The following SYBU variants were observed in gnomAD, a reference collection of about 807,000 sequenced individuals.
SYBU encodes syntabulin, also known as GOLSYN A protein.
A neutral mutation model predicts 35.9 loss-of-function variants in SYBU; 21 were observed. The ratio of observed to expected loss-of-function variants is 0.58; its 90% CI spans 0.41 to 0.84. The LOEUF is 0.84. SYBU is among the 40% of genes least tolerant of loss of function. The pLI, the probability that SYBU is intolerant of heterozygous loss-of-function variation, is 0.00. For synonymous variants in SYBU, 319 were observed against 324.3 expected (o/e 0.98, Z 0.18); for missense variants, 768 against 848.2 (o/e 0.91, Z 1.17).
rs770071759 is a variant in SYBU, at chr8:109,691,228, G to T, written c.-58+105C>A. ...CCGCATTGGAAAGGGTGGTCCTGGG[G>T]TCCGGAGCGCCCCATCACTGCCCTC... On this transcript the variant is annotated intron_variant, in intron 1 of 7. Coordinates refer to the SYBU transcript ENST00000422135. The surrounding 1 kb of genome is among the most constrained non-coding windows in gnomAD (Gnocchi z 4.7). 5 of 673,536 alleles carry T rather than the reference G, an allele frequency of 7.4e-6. No individual in the cohort carries two copies. Among genetic ancestry groups the T allele is most frequent in the Non-Finnish European group, 1.3e-5 (5 of 370,766 alleles). The allele number at this position is 673,536 out of a possible 1,614,324, so 41.7% of individuals were successfully genotyped here.
chr8:109,576,164 C>T (rs1291405947), intron 6 of SYBU, 151 bp from the exon 7 acceptor site: 2 of 1,008,878 alleles, frequency 2.0e-6, no homozygotes, highest in African/African-American at 3.2e-5. Context: ...AATCAGTTTT[C>T]AATGCAGGGA....
At chr8:109,683,803 G>A (rs1436288961), upstream of SYBU, among the ~76,000 whole-genome samples, 1 of 152,158 alleles carries the variant, frequency 6.6e-6, no homozygotes, top group Non-Finnish European at 1.5e-5. Flanking sequence ...TGAATCATGG[G>A]AGCAGTTACC....
intron 2 of SYBU, among the ~76,000 whole-genome samples, chr8:109,630,764 T>C (rs776422274): frequency 2.6e-5 from 4 of 152,174 alleles, no homozygotes; most frequent in South Asian, 2.1e-4. Flanking sequence ...AAATTAAACA[T>C]GACCTTGGAG....
At chr8:109,664,696 A>T (rs768511325) in intron 1 of SYBU, among the ~76,000 whole-genome samples, 1 of 152,218 alleles carries the variant, frequency 6.6e-6, no homozygotes, top group South Asian at 2.1e-4. Flanking sequence ...GAGACCTTGA[A>T]GCTTGAAGAA....
In SYBU at chr8:109,615,773, A is replaced by C. The variant is rs192263728; in HGVS notation, c.427+3069T>G. Among the ~76,000 whole-genome samples, 498 of 152,234 alleles carry C rather than the reference A, an allele frequency of 3.3e-3. 8 individuals carry two copies. Among genetic ancestry groups the C allele is most frequent in the Non-Finnish European group, 9.4e-4 (64 of 68,020 alleles). On this transcript the variant is annotated intron_variant, in intron 3 of 6. Transcript: ENST00000276646. ...GAGGCTTTGGCTTTGGGGAAGGGTC[A>C]TTGAACTAGGATTCATAAATGCTAA...
chr8:109,579,038 A>G (rs920937939), intron 5 of SYBU, among the ~76,000 whole-genome samples: 1 of 152,098 alleles, frequency 6.6e-6, no homozygotes, highest in African/African-American at 2.4e-5. Flanking sequence ...TCCCTGCTGT[A>G]AGAGAGCTGA....
chr8:109,574,173 T>C lies in SYBU; in HGVS notation c.*733A>G, dbSNP rs1821952239. On this transcript the variant is annotated 3_prime_UTR_variant, in exon 7 of 7. Coordinates refer to ENST00000276646, the MANE Select transcript of SYBU (RefSeq NM_001099754.2). Reference sequence around the variant, plus strand: ...ATACATAGAAGTAAAATCACAGAAATAATTATTATTTTATGGGAGGATAAA... The same window carrying C: ...ATACATAGAAGTAAAATCACAGAAACAATTATTATTTTATGGGAGGATAAA... 6.6e-6 allele frequency: 1 copy of C among 152,304 alleles called. No individual in the cohort carries two copies. Among genetic ancestry groups the C allele is most frequent in the Non-Finnish European group, 1.5e-5 (1 of 68,030 alleles). 9.4% of individuals were successfully genotyped at this position (152,304 alleles called of 1,614,324 possible). A position where few individuals can be genotyped will look rare whatever the true frequency, so the allele number is the denominator to read the frequency against.
rs760270141 is a variant in SYBU, at chr8:109,575,918, AG to A, written c.979del (p.Leu327SerfsTer36). The A allele has an allele frequency of 6.2e-7, 1 of 1,613,858 alleles. No individual in the cohort carries two copies. Among genetic ancestry groups the A allele is most frequent in the Non-Finnish European group, 8.5e-7 (1 of 1,179,996 alleles). On this transcript the variant is annotated frameshift_variant, in exon 7 of 7. Transcript: ENST00000276646. LOFTEE classifies it low-confidence loss of function (END_TRUNC). Reference protein sequence around the residue: ...ECHRVEAQLALKEARKEIKQL... With the variant: ...ECHRVEAQLAXKEARKEIKQL... ...TTTAATCTCTTTCCTGGCTTCTTTG[AG>A]TGCCAACTGGGCCTCTACCCGGTGA... is the stretch of plus-strand genomic sequence containing the variant.
intron 3 of SYBU, among the ~76,000 whole-genome samples, chr8:109,591,148 G>A (rs1235431673): frequency 6.6e-6 from 1 of 152,192 alleles, no homozygotes; most frequent in Admixed American, 6.6e-5. Flanking sequence ...GTGAAAAGGA[G>A]TGACATGATC....
At position 109,657,663 on chromosome 8, in the gene SYBU, T is replaced by C. The variant is rs1226682957; in HGVS notation, c.-129+23048A>G. 2.6e-5 allele frequency among the ~76,000 whole-genome samples: 4 copies of C among 152,254 alleles called. No homozygotes were observed. In the East Asian group the frequency reaches 7.7e-4, roughly 29 times the overall value. Reference sequence around the variant, plus strand: ...TATTTGGGAATTTGTCTTTGTAGTTTTTCAGAATCACTGCCAAACTTCTTG... The same window carrying C: ...TATTTGGGAATTTGTCTTTGTAGTTCTTCAGAATCACTGCCAAACTTCTTG... On this transcript the variant is annotated intron_variant, in intron 1 of 5. Transcript: ENST00000408889.
intron 3 of SYBU, among the ~76,000 whole-genome samples, chr8:109,589,546 C>A (rs1823988504): frequency 6.6e-6 from 1 of 152,192 alleles, no homozygotes; most frequent in African/African-American, 2.4e-5. Context: ...GGCACTTTTC[C>A]AACTCTCAAG....
intron 6 of SYBU, among the ~76,000 whole-genome samples, chr8:109,577,313 C>A (rs1018499014): frequency 1.8e-4 from 27 of 152,092 alleles, no homozygotes; most frequent in African/African-American, 6.3e-4. Context: ...GGCCTGCTGC[C>A]CAGATGTCAA....
chr8:109,643,292 T>C (rs1219612254), intron 1 of SYBU: 3 of 534,212 alleles, frequency 5.6e-6, no homozygotes, highest in Non-Finnish European at 7.3e-6. Flanking sequence ...GGCTCTTTAT[T>C]AACACCACAC....
At chr8:109,624,522 A>C (rs2130440828) in intron 2 of SYBU, among the ~76,000 whole-genome samples, 1 of 152,312 alleles carries the variant, frequency 6.6e-6, no homozygotes, top group African/African-American at 2.4e-5. Flanking sequence ...AGATAAAACC[A>C]CTAGACAAAG....
At chr8:109,617,069 G>T (rs1349656606) in intron 3 of SYBU, among the ~76,000 whole-genome samples, 1 of 152,104 alleles carries the variant, frequency 6.6e-6, no homozygotes, top group Non-Finnish European at 1.5e-5. Context: ...CTTGGAGGTG[G>T]AGGTTGCAGT....
At chr8:109,602,960 T>C (rs1347827183) in intron 3 of SYBU, among the ~76,000 whole-genome samples, 1 of 152,210 alleles carries the variant, frequency 6.6e-6, no homozygotes, top group African/African-American at 2.4e-5. Flanking sequence ...AGATAAGTCC[T>C]GGCAGCACAA....
chr8:109,644,623 C>A lies in SYBU; in HGVS notation c.24+13G>T. On this transcript the variant is annotated intron_variant, in intron 1 of 6. Transcript: ENST00000276646. Reference sequence around the variant, plus strand: ...CCCGCCCTCCAGTGCCCGCACTGCCCCGCGCTCCTTACCTTGCTCTCGCGG... The same window carrying A: ...CCCGCCCTCCAGTGCCCGCACTGCCACGCGCTCCTTACCTTGCTCTCGCGG... 1 of 1,544,366 alleles carries A rather than the reference C, an allele frequency of 6.5e-7. No homozygotes were observed. Among genetic ancestry groups the A allele is most frequent in the Non-Finnish European group, 8.7e-7 (1 of 1,151,474 alleles).
intron 3 of SYBU, chr8:109,607,966 C>T: frequency 6.5e-7 from 1 of 1,535,240 alleles, no homozygotes; most frequent in Non-Finnish European, 8.7e-7. Flanking sequence ...CAAACAGCCT[C>T]CCAGCACAGG....
chr8:109,644,252 C>T (rs1586931201), intron 1 of SYBU: 1 of 493,900 alleles, frequency 2.0e-6, no homozygotes, highest in Non-Finnish European at 4.0e-6. Flanking sequence ...CCGCCGGGCA[C>T]ACCGCAGACC....
Sources: gnomAD v4.1 joint callset for allele counts (sites outside exome capture counted in the v4.1 genomes callset) on GRCh38, gnomAD v4.1.1 for gene constraint, Gnocchi (gnomAD v3.1) non-coding constraint, MANE v1.5 for transcripts, NCBI Gene and HGNC (gene_info 2026-07-23, HGNC 2026-07-21) for gene names.